Variants in RALYL observed in about 807,000 individuals in gnomAD.
RALYL encodes RNA-binding Raly-like protein.
A neutral mutation model predicts 35.1 loss-of-function variants in RALYL; 29 were observed. The observed-to-expected ratio is 0.83, with a 90% confidence interval of 0.61 to 1.13. The LOEUF is 1.13. Ranked by LOEUF, RALYL falls within the 50% of genes most tolerant of loss-of-function variation. The pLI, the probability that RALYL is intolerant of heterozygous loss-of-function variation, is 0.00. For synonymous variants in RALYL, 120 were observed against 127.6 expected (o/e 0.94, Z 0.40); for missense variants, 359 against 360.4 (o/e 1.00, Z 0.03).
intron 1 of RALYL, among the ~76,000 whole-genome samples, chr8:84,475,821 A>T (rs966876737): frequency 6.6e-6 from 1 of 152,128 alleles, no homozygotes; most frequent in Non-Finnish European, 1.5e-5. Flanking sequence ...TTGCATTAAG[A>T]TTGTCGTAGT....
At chr8:84,788,349 C>T (rs916411940) in intron 3 of RALYL, among the ~76,000 whole-genome samples, 14 of 152,050 alleles carry the variant, frequency 9.2e-5, no homozygotes, top group East Asian at 3.9e-4. Context: ...TAATAAATGA[C>T]GTCGAGAAAA....
chr8:84,471,016 C>T (rs971554290), intron 1 of RALYL, among the ~76,000 whole-genome samples: 2 of 152,108 alleles, frequency 1.3e-5, no homozygotes, highest in African/African-American at 2.4e-5. Flanking sequence ...GTCATATGTT[C>T]ATCATTGCCT....
At chr8:84,188,977 T>C (rs944514941) in intron 1 of RALYL, among the ~76,000 whole-genome samples, 1 of 152,180 alleles carries the variant, frequency 6.6e-6, no homozygotes, top group African/African-American at 2.4e-5. Flanking sequence ...TCCTGGAAAA[T>C]AGAGGCATTG....
intron 4 of RALYL, among the ~76,000 whole-genome samples, chr8:84,829,645 A>G (rs747922086): frequency 6.6e-6 from 1 of 152,134 alleles, no homozygotes; most frequent in Non-Finnish European, 1.5e-5. Flanking sequence ...CAAACCAAAC[A>G]CACTGTCAAT....
intron 2 of RALYL, among the ~76,000 whole-genome samples, chr8:84,622,901 T>G (rs527344032): frequency 2.3e-4 from 35 of 152,296 alleles, no homozygotes; most frequent in African/African-American, 8.4e-4. Flanking sequence ...ATGTATTTAT[T>G]ATTAGAGGAT....
At chr8:84,281,107 G>A (rs1191571582) in intron 1 of RALYL, among the ~76,000 whole-genome samples, 1 of 152,094 alleles carries the variant, frequency 6.6e-6, no homozygotes, top group African/African-American at 2.4e-5. Context: ...TGACTATACA[G>A]AGGTTTTTCT....
intron 1 of RALYL, among the ~76,000 whole-genome samples, chr8:84,448,619 G>A (rs1317615206): frequency 6.6e-6 from 1 of 151,972 alleles, no homozygotes; most frequent in Non-Finnish European, 1.5e-5. Flanking sequence ...AAGGAGTATT[G>A]CCTCTATTAA....
chr8:84,582,435 G>C (rs1158605938), intron 2 of RALYL, among the ~76,000 whole-genome samples: 4 of 151,866 alleles, frequency 2.6e-5, no homozygotes, highest in African/African-American at 9.7e-5. Context: ...CTATCAGGCT[G>C]GTGTGTTAGC....
intron 2 of RALYL, among the ~76,000 whole-genome samples, chr8:84,711,581 A>C (rs1842193592): frequency 6.6e-6 from 1 of 152,172 alleles, no homozygotes; most frequent in East Asian, 1.9e-4. Context: ...GAGAAAAAGT[A>C]AATTTACATT....
chr8:84,416,673 A>G (rs2044741450), intron 1 of RALYL, among the ~76,000 whole-genome samples: 1 of 152,202 alleles, frequency 6.6e-6, no homozygotes, highest in Non-Finnish European at 1.5e-5. Context: ...TAGAATGGCC[A>G]TTTTCCTAAT....
chr8:84,767,460 G>A (rs1814378082), intron 2 of RALYL, among the ~76,000 whole-genome samples: 1 of 151,976 alleles, frequency 6.6e-6, no homozygotes, highest in Admixed American at 6.6e-5. Context: ...AATATCAGAG[G>A]GATAATTTTG....
chr8:84,335,195 C>T (rs1302279013), intron 1 of RALYL, among the ~76,000 whole-genome samples: 1 of 152,118 alleles, frequency 6.6e-6, no homozygotes, highest in Non-Finnish European at 1.5e-5. Context: ...TCAGAGATTC[C>T]TCACAAGAGC....
At chr8:84,261,324 G>T (rs563829714) in intron 1 of RALYL, among the ~76,000 whole-genome samples, 45 of 152,186 alleles carry the variant, frequency 3.0e-4, no homozygotes, top group African/African-American at 1.1e-3. Context: ...TAATCCCCAC[G>T]TGTGGTGGAA....
intron 2 of RALYL, among the ~76,000 whole-genome samples, chr8:84,743,169 T>C (rs1487948819): frequency 6.6e-6 from 1 of 152,032 alleles, no homozygotes. Context: ...AGGATTAATG[T>C]AATCATTTCT....
rs1839013130 is a variant in RALYL, at chr8:84,292,794, C to G, written c.-24+108370C>G. On this transcript the variant is annotated intron_variant, in intron 1 of 8. Transcript: ENST00000521268. ...TGTTTAGCATATCATCAATAAATAA[C>G]CATAAAAATGGGCAGCCAGCAAACC... 2.0e-5 allele frequency among the ~76,000 whole-genome samples: 3 copies of G among 152,228 alleles called. No homozygotes were observed. In the South Asian group the frequency reaches 6.2e-4, roughly 32 times the overall value.
At chr8:84,388,634 G>A (rs1019790236) in intron 1 of RALYL, among the ~76,000 whole-genome samples, 4 of 152,240 alleles carry the variant, frequency 2.6e-5, no homozygotes, top group African/African-American at 4.8e-5. Flanking sequence ...CTGCATAAAT[G>A]TCTTCTTTTG....
rs1830998845 is a variant in RALYL at position 84,661,888 on chromosome 8, C to T, written c.257-112691C>T. Among the ~76,000 whole-genome samples, 4 of 150,584 alleles carry T rather than the reference C, an allele frequency of 2.7e-5. No individual in the cohort carries two copies. The South Asian group carries it at 8.4e-4, about 31-fold the overall frequency. ...AGGAATTATGCAAAACCCCTTTTCACATTTCTTTGAGCTGGAGCCAGCTCT... is the reference window on the plus strand; with the variant it reads ...AGGAATTATGCAAAACCCCTTTTCATATTTCTTTGAGCTGGAGCCAGCTCT... On this transcript the variant is annotated intron_variant, in intron 2 of 8. Coordinates refer to ENST00000521268, the MANE Select transcript of RALYL (RefSeq NM_173848.7).
chr8:84,920,900 C>G lies in RALYL; in HGVS notation c.865C>G (p.Gln289Glu). The G allele has an allele frequency of 7.1e-7, 1 of 1,413,656 alleles. No homozygotes were observed. Among genetic ancestry groups the G allele is most frequent in the South Asian group, 1.5e-5 (1 of 67,056 alleles). The allele number at this position is 1,413,656 out of a possible 1,614,324, so 87.6% of individuals were successfully genotyped here. Reference protein sequence around the residue: ...DEDGGHELFLQIK With the variant: ...DEDGGHELFLEIK ...TTTTTTTTTATTTTCTCAGTTTCTA[C>G]AGATAAAGTGATCTGAAATAACGCA... Residue 289 changes from glutamine to glutamate, a missense_variant, in exon 9 of 9, where the codon CAG (glutamine) becomes GAG (glutamate). By Grantham distance (29) the Gln-to-Glu change is conservative (BLOSUM62 2). Transcript: ENST00000521268.
At chr8:84,528,466 C>T (rs2059058925) in intron 1 of RALYL, among the ~76,000 whole-genome samples, 1 of 152,048 alleles carries the variant, frequency 6.6e-6, no homozygotes, top group Non-Finnish European at 1.5e-5. Flanking sequence ...CACAGATATT[C>T]TACCAAGCTC....
Sources: gnomAD v4.1 joint callset for allele counts (sites outside exome capture counted in the v4.1 genomes callset) on GRCh38, gnomAD v4.1.1 for gene constraint, MANE v1.5 for transcripts, NCBI Gene and HGNC (gene_info 2026-07-23, HGNC 2026-07-21) for gene names.